CDH3: variants seen among roughly 807,000 people sequenced by gnomAD.
CDH3 encodes the protein cadherin 3, also known as cadherin-3.
Under a neutral mutation model 82.0 loss-of-function variants are expected in CDH3, and 54 were observed. The observed-to-expected ratio is 0.66, with a 90% CI of 0.53 to 0.83. The LOEUF is 0.83. Ranked by LOEUF, CDH3 falls within the 40% of genes least tolerant of loss-of-function variation. The pLI is 0.00. For synonymous variants in CDH3, 446 were observed against 437.9 expected (o/e 1.02, Z -0.23); for missense variants, 1,054 against 1,084.6 (o/e 0.97, Z 0.40).
At chr16:68,685,076 G>C (rs1961365863) in intron 10 of CDH3, 129 bp from the exon 11 acceptor site, 1 of 1,202,034 alleles carries the variant, frequency 8.3e-7, no homozygotes, top group African/African-American at 1.5e-5. Context: ...TTATGGGCGA[G>C]GTGCATTTTC....
chr16:68,721,262 C>T (rs112225541), intron 1 of CDH3, among the ~76,000 whole-genome samples: 34,881 of 130,808 alleles, frequency 0.27, 4,602 homozygotes, highest in Middle Eastern at 0.37. Context: ...GATGGAGTCT[C>T]GCTGTTGTCG....
chr16:68,717,974 CTTTTCTTTTCTTT>C (rs1437779275), intron 1 of CDH3, among the ~76,000 whole-genome samples: 7 of 151,828 alleles, frequency 4.6e-5, no homozygotes, highest in Non-Finnish European at 8.8e-5. Flanking sequence ...TTTCTTTTTC[CTTTTCTTTTCTTT>C]TTTTCTTTTT....
intron 11 of CDH3, among the ~76,000 whole-genome samples, 180 bp downstream of exon 11, chr16:68,685,530 A>T (rs1025247713): frequency 6.6e-6 from 1 of 152,204 alleles, no homozygotes; most frequent in Non-Finnish European, 1.5e-5. Context: ...CCTAGGCCGG[A>T]TGCAGTGGCT....
intron 7 of CDH3, 106 bp from the exon 8 acceptor site, chr16:68,680,862 A>G: frequency 8.1e-7 from 1 of 1,235,626 alleles, no homozygotes; most frequent in East Asian, 2.3e-5. Context: ...ATAGGGAGAG[A>G]TCCTCCTCTC....
intron 2 of CDH3, among the ~76,000 whole-genome samples, chr16:68,670,755 C>G (rs1454130238): frequency 6.6e-6 from 1 of 152,304 alleles, no homozygotes; most frequent in Non-Finnish European, 1.5e-5. Context: ...GGGACTTTCA[C>G]AGGGTCTTCA....
chr16:68,691,589 C>T (rs765548561), intron 12 of CDH3, 131 bp from the exon 13 acceptor site: 25 of 751,882 alleles, frequency 3.3e-5, no homozygotes, highest in African/African-American at 3.1e-4. Context: ...TGCTATTTTC[C>T]AAAGTGTGCT....
intron 2 of CDH3, among the ~76,000 whole-genome samples, chr16:68,660,311 T>A (rs1227564028): frequency 6.6e-6 from 1 of 152,234 alleles, no homozygotes; most frequent in African/African-American, 2.4e-5. Context: ...TAGTCAATAG[T>A]TTCAAAAGCA....
chr16:68,692,543 G>T (rs1313356637), intron 13 of CDH3, among the ~76,000 whole-genome samples: 1 of 152,140 alleles, frequency 6.6e-6, no homozygotes, highest in Non-Finnish European at 1.5e-5. Flanking sequence ...TATTAGAAAG[G>T]CAATTTCTCA....
chr16:68,726,714 G>A (rs1001335746), intron 2 of CDH3, among the ~76,000 whole-genome samples: 4 of 151,878 alleles, frequency 2.6e-5, no homozygotes, highest in Non-Finnish European at 5.9e-5. Context: ...GAGTAGCTGG[G>A]ACTACAGGCG....
downstream of CDH3, among the ~76,000 whole-genome samples, chr16:68,729,362 T>A (rs1962260222): frequency 6.6e-6 from 1 of 152,182 alleles, no homozygotes; most frequent in African/African-American, 2.4e-5. Context: ...GTGTTTTTTG[T>A]TTTGTTTCGT....
Position 68,645,622 on chromosome 16 carries a change from G to A in CDH3, c.46-14G>A. 1 of 1,538,926 alleles carries A rather than the reference G, an allele frequency of 6.5e-7. No individual in the cohort carries two copies. The highest frequency in any genetic ancestry group is 8.7e-7 in the Non-Finnish European group (1 of 1,145,266). On this transcript the variant is annotated splice_polypyrimidine_tract_variant and intron_variant, in intron 1 of 15. Transcript: ENST00000264012. ...CTGGACCCAGCCTCCTTCACTCTCT[G>A]CCCTCGGGCGCAGGTTTGCTGGCTG...
chr16:68,724,559 C>G (rs1434199334), intron 2 of CDH3, among the ~76,000 whole-genome samples: 1 of 151,460 alleles, frequency 6.6e-6, no homozygotes, highest in Non-Finnish European at 1.5e-5. Context: ...CCCAGGAGTT[C>G]AAGGTTGCAG....
chr16:68,678,229 A>G lies in CDH3; in HGVS notation c.342A>G (p.Ile114Met). 1 of 1,613,962 alleles carries G rather than the reference A, an allele frequency of 6.2e-7. No individual in the cohort carries two copies. The highest frequency in any genetic ancestry group is 8.5e-7 in the Non-Finnish European group (1 of 1,179,846). ...RHKRDWVVAPISVPENGKGPF... is the reference protein window; with the variant it reads ...RHKRDWVVAPMSVPENGKGPF... Reference sequence around the variant, plus strand: ...AGAGAGATTGGGTGGTTGCTCCAATATCTGTCCCTGAAAATGGCAAGGGTC... The same window carrying G: ...AGAGAGATTGGGTGGTTGCTCCAATGTCTGTCCCTGAAAATGGCAAGGGTC... Residue 114 changes from isoleucine (I) to methionine (M), a missense_variant, in exon 4 of 16, where the codon ATA becomes ATG. Ile to Met is a conservative substitution (Grantham distance 10). Coordinates refer to ENST00000264012, the MANE Select transcript of CDH3 (RefSeq NM_001793.6).
chr16:68,689,780 C>T (rs1334677338), intron 12 of CDH3, among the ~76,000 whole-genome samples: 2 of 150,012 alleles, frequency 1.3e-5, no homozygotes, highest in Admixed American at 1.3e-4. Context: ...AGGAGCCCAG[C>T]GAGAGTGCAG....
chr16:68,725,201 T>C (rs1962206294), intron 2 of CDH3, among the ~76,000 whole-genome samples: 1 of 152,144 alleles, frequency 6.6e-6, no homozygotes, highest in African/African-American at 2.4e-5. Context: ...CTCACTCCAC[T>C]TAAGTTGGAG....
chr16:68,684,852 G>A (rs1466813398), intron 10 of CDH3, 28 bp downstream of exon 10: 1 of 1,613,662 alleles, frequency 6.2e-7, no homozygotes, highest in South Asian at 1.1e-5. Context: ...TCAGTAAGCA[G>A]CACGTACTGG....
chr16:68,691,610 T>A, intron 12 of CDH3, 110 bp from the exon 13 acceptor site: 1 of 841,744 alleles, frequency 1.2e-6, no homozygotes, highest in Admixed American at 1.8e-5. Context: ...TGTGGAGTAT[T>A]TCTCTGCATT....
intron 11 of CDH3, 111 bp downstream of exon 11, chr16:68,685,461 T>C (rs1961385034): frequency 1.7e-6 from 2 of 1,168,998 alleles, no homozygotes; most frequent in Non-Finnish European, 1.3e-6. Context: ...AGGAGGGCTA[T>C]TTGCAAACCA....
rs1010269694 is a variant in CDH3, at chr16:68,707,605, G to A, written c.99+11682G>A. ...ACAGCAGCCCCTAAAGGCTGCAGAT[G>A]TGGGAGTGACTCACCACCCTGGCCT... On this transcript the variant is annotated intron_variant, in intron 1 of 2. Coordinates refer to the CDH3 transcript ENST00000569080. The surrounding 1 kb of genome is among the most constrained non-coding windows in gnomAD (Gnocchi z 4.5). 3.3e-5 allele frequency among the ~76,000 whole-genome samples: 5 copies of A among 152,176 alleles called. No homozygotes were observed. Among genetic ancestry groups the A allele is most frequent in the African/African-American group, 1.2e-4 (5 of 41,438 alleles).
Sources: allele counts gnomAD v4.1 joint callset (sites outside exome capture counted in the v4.1 genomes callset), GRCh38; gene constraint gnomAD v4.1.1; non-coding constraint Gnocchi (gnomAD v3.1); transcripts MANE v1.5; gene names NCBI Gene and HGNC (gene_info 2026-07-23, HGNC 2026-07-21).